The following MGAT4C variants were observed in gnomAD, a reference collection of about 807,000 sequenced individuals.
MGAT4C encodes the protein MGAT4 family member C, also known as alpha-1,3-mannosyl-glycoprotein 4-beta-N-acetylglucosaminyltransferase C.
A neutral mutation model predicts 40.1 loss-of-function variants in MGAT4C; 19 were observed. That is an observed-to-expected ratio of 0.47 (90% CI 0.33 to 0.70). MGAT4C has a LOEUF of 0.70. Ranked by LOEUF, MGAT4C falls within the 30% of genes least tolerant of loss-of-function variation. The pLI is 0.02. For missense variants in MGAT4C, 491 were observed against 563.2 expected (o/e 0.87, Z 1.30); for synonymous variants, 181 against 187.1 (o/e 0.97, Z 0.27).
chr12:86,423,183 A>C (rs2136258874), intron 3 of MGAT4C, among the ~76,000 whole-genome samples: 1 of 152,178 alleles, frequency 6.6e-6, no homozygotes, highest in South Asian at 2.1e-4. Flanking sequence ...TGAATGTTTT[A>C]AGACTAAAAA....
intron 1 of MGAT4C, among the ~76,000 whole-genome samples, chr12:86,116,354 A>G (rs1009755635): frequency 6.6e-6 from 1 of 152,122 alleles, no homozygotes; most frequent in African/African-American, 2.4e-5. Context: ...TAATCCAGAT[A>G]GAAAAAGATG....
Position 86,395,786 on chromosome 12 carries a change from T to G in MGAT4C, c.-120+39371A>C, listed in dbSNP as rs569814991. Among the ~76,000 whole-genome samples the G allele has an allele frequency of 4.6e-5, 7 of 152,294 alleles. No homozygotes were observed. The South Asian group carries it at 1.4e-3, about 32-fold the overall frequency. The stretch of plus-strand genomic sequence containing the variant: ...TCTCAATACAACTTCATCTATTTTT[T>G]TGTGTGTGCTTGTTGGCAGTGATAC... On this transcript the variant is annotated intron_variant, in intron 3 of 7. Transcript: ENST00000548651.
chr12:86,315,756 A>G (rs571327835), intron 4 of MGAT4C, among the ~76,000 whole-genome samples: 1 of 152,098 alleles, frequency 6.6e-6, no homozygotes, highest in African/African-American at 2.4e-5. Context: ...AAACCTAGGA[A>G]ACAACATTTT....
At chr12:86,043,712 G>T (rs1477515466) in intron 2 of MGAT4C, among the ~76,000 whole-genome samples, 1 of 152,140 alleles carries the variant, frequency 6.6e-6, no homozygotes, top group Non-Finnish European at 1.5e-5. Flanking sequence ...CTCCAATATG[G>T]TTTTCAAGTT....
At chr12:86,104,978 T>C (rs537573238) in intron 1 of MGAT4C, among the ~76,000 whole-genome samples, 1 of 152,138 alleles carries the variant, frequency 6.6e-6, no homozygotes, top group Non-Finnish European at 1.5e-5. Flanking sequence ...ACCTTAACTA[T>C]CCGTGGTACT....
chr12:86,738,945 A>G (rs572500733), intron 1 of MGAT4C, among the ~76,000 whole-genome samples: 12 of 150,920 alleles, frequency 8.0e-5, no homozygotes, highest in African/African-American at 2.7e-4. Context: ...TTTATTAAAT[A>G]CCTATTCATA....
chr12:86,739,495 G>A (rs1048278103), intron 1 of MGAT4C, among the ~76,000 whole-genome samples: 2 of 150,622 alleles, frequency 1.3e-5, no homozygotes, highest in South Asian at 2.1e-4. Flanking sequence ...TTCTACAATC[G>A]TAGGTTCAGC....
chr12:86,386,344 G>T lies in MGAT4C; in HGVS notation c.-120+48813C>A, dbSNP rs375589259. 2.4e-4 allele frequency among the ~76,000 whole-genome samples: 37 copies of T among 152,242 alleles called. No individual in the cohort carries two copies. In the East Asian group the frequency reaches 2.9e-3, roughly 12 times the overall value. The stretch of plus-strand genomic sequence containing the variant: ...CTTTACAGAGAAGAGTAGTGTGTTT[G>T]CTTACCTCCTCCCACTAGACAATGA... On this transcript the variant is annotated intron_variant, in intron 3 of 7. Transcript: ENST00000548651.
chr12:86,709,602 G>A (rs1053071598), intron 2 of MGAT4C, among the ~76,000 whole-genome samples: 2 of 152,022 alleles, frequency 1.3e-5, no homozygotes, highest in African/African-American at 2.4e-5. Context: ...ATGTATGTAT[G>A]TTTTATAGAT....
chr12:86,706,578 A>C (rs75206547), intron 2 of MGAT4C, among the ~76,000 whole-genome samples: 4,752 of 152,108 alleles, frequency 0.031, 122 homozygotes, highest in African/African-American at 0.074. Flanking sequence ...TTTTATAATA[A>C]AATATTAATT....
intron 2 of MGAT4C, among the ~76,000 whole-genome samples, chr12:86,515,315 G>GA (rs1958663616): frequency 6.6e-6 from 1 of 152,088 alleles, no homozygotes; most frequent in Non-Finnish European, 1.5e-5. Context: ...AAAATGAAAT[G>GA]AAAAATCGAA....
chr12:86,330,774 A>G (rs542980329), intron 4 of MGAT4C, among the ~76,000 whole-genome samples: 31 of 152,290 alleles, frequency 2.0e-4, no homozygotes, highest in African/African-American at 7.0e-4. Flanking sequence ...TGTGGGAGAG[A>G]TACACAAATA....
At chr12:86,739,969 G>C (rs997687654) in intron 1 of MGAT4C, among the ~76,000 whole-genome samples, 1 of 150,592 alleles carries the variant, frequency 6.6e-6, no homozygotes, top group Non-Finnish European at 1.5e-5. Context: ...TTCCTTATGA[G>C]CTATTCATAG....
intron 3 of MGAT4C, among the ~76,000 whole-genome samples, chr12:86,414,680 T>C (rs1266829907): frequency 6.6e-6 from 1 of 152,268 alleles, no homozygotes; most frequent in East Asian, 1.9e-4. Flanking sequence ...TTCTAACTAG[T>C]GTACCTTAAT....
chr12:86,213,788 T>C lies in MGAT4C; in HGVS notation c.-57+42451A>G, dbSNP rs531605414. ...AAGTTAAAAGGGGATAGACCCATAGTAGAAGTTTGAAATCAGTGTATGGTT... is the reference window on the plus strand; with the variant it reads ...AAGTTAAAAGGGGATAGACCCATAGCAGAAGTTTGAAATCAGTGTATGGTT... On this transcript the variant is annotated intron_variant, in intron 1 of 4. Coordinates refer to ENST00000611864, the MANE Select transcript of MGAT4C (RefSeq NM_001351288.2). Among the ~76,000 whole-genome samples the C allele has an allele frequency of 5.9e-5, 9 of 152,346 alleles. No homozygotes were observed. In the East Asian group the frequency reaches 9.7e-4, roughly 16 times the overall value.
At chr12:86,340,850 T>G (rs928180046) in intron 3 of MGAT4C, among the ~76,000 whole-genome samples, 3 of 152,292 alleles carry the variant, frequency 2.0e-5, no homozygotes, top group African/African-American at 7.2e-5. Flanking sequence ...GAAGAAGTCT[T>G]CACAAGTAAA....
intron 2 of MGAT4C, among the ~76,000 whole-genome samples, chr12:86,627,634 G>A (rs1962864550): frequency 6.6e-6 from 1 of 152,320 alleles, no homozygotes; most frequent in Non-Finnish European, 1.5e-5. Flanking sequence ...AACTCCAACA[G>A]ACTTGCAGCT....
intron 2 of MGAT4C, among the ~76,000 whole-genome samples, chr12:86,670,626 C>A (rs540518524): frequency 6.6e-6 from 1 of 152,110 alleles, no homozygotes; most frequent in African/African-American, 2.4e-5. Flanking sequence ...TGAGAGAGAA[C>A]CTAGAAAAAC....
intron 2 of MGAT4C, among the ~76,000 whole-genome samples, chr12:86,449,239 GT>G (rs879892224): frequency 2.8e-4 from 42 of 152,124 alleles, no homozygotes; most frequent in Non-Finnish European, 5.4e-4. Context: ...ATATACTGGA[GT>G]TTTTTAAGAA....
Sources: allele counts gnomAD v4.1 joint callset (sites outside exome capture counted in the v4.1 genomes callset), GRCh38; gene constraint gnomAD v4.1.1; transcripts MANE v1.5; gene names NCBI Gene and HGNC (gene_info 2026-07-23, HGNC 2026-07-21).